Variants in VWC2L observed in about 807,000 individuals in gnomAD.
VWC2L encodes von Willebrand factor C domain containing 2 like, also known as von Willebrand factor C domain-containing protein 2-like.
A neutral mutation model predicts 21.6 loss-of-function variants in VWC2L; 10 were observed. The ratio of observed to expected loss-of-function variants is 0.46; its 90% CI spans 0.29 to 0.78. VWC2L has a LOEUF of 0.78. VWC2L is among the 30% of genes least tolerant of loss of function. VWC2L has a pLI of 0.10. For synonymous variants in VWC2L, 96 were observed against 94.3 expected (o/e 1.02, Z -0.10); for missense variants, 209 against 277.1 (o/e 0.75, Z 1.74).
chr2:214,461,370 A>AG (rs898153006), intron 3 of VWC2L, among the ~76,000 whole-genome samples: 5 of 152,124 alleles, frequency 3.3e-5, no homozygotes, highest in Admixed American at 3.3e-4. Context: ...TCAAGTTCCA[A>AG]GGGGGAACAC....
At chr2:214,445,427 A>G (rs913862298) in intron 3 of VWC2L, among the ~76,000 whole-genome samples, 1 of 151,734 alleles carries the variant, frequency 6.6e-6, no homozygotes, top group Non-Finnish European at 1.5e-5. Flanking sequence ...ATATTATAGA[A>G]AAAAAAAGCA....
At chr2:214,517,639 G>A (rs1454363157) in intron 3 of VWC2L, among the ~76,000 whole-genome samples, 1 of 152,136 alleles carries the variant, frequency 6.6e-6, no homozygotes, top group Non-Finnish European at 1.5e-5. Flanking sequence ...AAGATTCCAT[G>A]GGGTAAAAAC....
intron 3 of VWC2L, among the ~76,000 whole-genome samples, chr2:214,524,882 C>T (rs1689303548): frequency 6.6e-6 from 1 of 150,814 alleles, no homozygotes; most frequent in Admixed American, 6.6e-5. Context: ...ACAATAAATT[C>T]ATTTCTATTT....
chr2:214,507,406 A>T (rs1334286297), intron 3 of VWC2L, among the ~76,000 whole-genome samples: 1 of 152,236 alleles, frequency 6.6e-6, no homozygotes, highest in East Asian at 1.9e-4. Flanking sequence ...TGATCAAAGA[A>T]ATAAAGGATA....
intron 3 of VWC2L, among the ~76,000 whole-genome samples, chr2:214,551,561 T>G (rs1353346833): frequency 6.6e-6 from 1 of 152,206 alleles, no homozygotes; most frequent in Admixed American, 6.5e-5. Flanking sequence ...CAGTGTAATA[T>G]TTCTCATTTC....
intron 3 of VWC2L, among the ~76,000 whole-genome samples, chr2:214,538,520 AT>A (rs961834189): frequency 1.3e-5 from 2 of 152,108 alleles, no homozygotes; most frequent in Admixed American, 6.6e-5. Context: ...TAAAGCAAAT[AT>A]TTTTTATTGG....
intron 3 of VWC2L, among the ~76,000 whole-genome samples, chr2:214,459,211 G>A (rs894813934): frequency 1.3e-5 from 2 of 152,122 alleles, no homozygotes; most frequent in African/African-American, 4.8e-5. Context: ...TCTGTTGTAT[G>A]TGACACAAGT....
chr2:214,522,487 T>C (rs879616284), intron 3 of VWC2L, among the ~76,000 whole-genome samples: 1 of 152,034 alleles, frequency 6.6e-6, no homozygotes, highest in Non-Finnish European at 1.5e-5. Flanking sequence ...TCTATATTTA[T>C]GGGGTACAGG....
intron 3 of VWC2L, among the ~76,000 whole-genome samples, chr2:214,545,472 T>G (rs1469632332): frequency 6.6e-6 from 1 of 152,210 alleles, no homozygotes; most frequent in African/African-American, 2.4e-5. Context: ...GAGAATATTT[T>G]AAGCAAGACA....
chr2:214,540,450 T>C (rs1689608314), intron 3 of VWC2L, among the ~76,000 whole-genome samples: 1 of 152,166 alleles, frequency 6.6e-6, no homozygotes, highest in Non-Finnish European at 1.5e-5. Context: ...TGAGCCACTG[T>C]GCAATGCTGC....
chr2:214,413,510 A>G (rs1702308430), intron 1 of VWC2L, among the ~76,000 whole-genome samples: 1 of 152,180 alleles, frequency 6.6e-6, no homozygotes, highest in Admixed American at 6.5e-5. Context: ...ACTTTATTTC[A>G]AAAATCCAGA....
intron 3 of VWC2L, among the ~76,000 whole-genome samples, chr2:214,438,695 G>A (rs1702718015): frequency 2.0e-5 from 3 of 152,014 alleles, no homozygotes; most frequent in Non-Finnish European, 1.5e-5. Flanking sequence ...CTACAAACTA[G>A]TTACACTTAA....
At chr2:214,533,375 C>T (rs1394665371) in intron 3 of VWC2L, among the ~76,000 whole-genome samples, 3 of 151,994 alleles carry the variant, frequency 2.0e-5, no homozygotes, top group Admixed American at 6.6e-5. Flanking sequence ...CTGCTCTCTT[C>T]GAGGCTGCTA....
intron 3 of VWC2L, among the ~76,000 whole-genome samples, chr2:214,503,539 G>C (rs1430207209): frequency 6.6e-6 from 1 of 152,056 alleles, no homozygotes; most frequent in Admixed American, 6.6e-5. Flanking sequence ...TAGGCTAATT[G>C]TTCTCAAAAC....
chr2:214,455,328 G>C (rs1469689433), intron 3 of VWC2L, among the ~76,000 whole-genome samples: 4 of 152,088 alleles, frequency 2.6e-5, no homozygotes, highest in Non-Finnish European at 5.9e-5. Context: ...CTAAGCTGCT[G>C]GATTTATGGT....
In VWC2L at chr2:214,417,015, C is replaced by T. The variant is rs184826793; in HGVS notation, c.390+2432C>T. ...ACTTTCAAATGAAGAATTCTCATAC[C>T]TTTTTAAAATGCTCTACTTATCCCT... On this transcript the variant is annotated intron_variant, in intron 2 of 3. Coordinates refer to ENST00000312504, the MANE Select transcript of VWC2L (RefSeq NM_001080500.4). 4.3e-4 allele frequency among the ~76,000 whole-genome samples: 65 copies of T among 152,112 alleles called. 1 individual carries two copies. In the East Asian group the frequency reaches 0.011, roughly 27 times the overall value.
chr2:214,545,148 TATAAA>T (rs1382717062), intron 3 of VWC2L, among the ~76,000 whole-genome samples: 2 of 152,134 alleles, frequency 1.3e-5, no homozygotes, highest in East Asian at 1.9e-4. Context: ...TTCGAAGGAT[TATAAA>T]ATAAAAGGGC....
At chr2:214,496,952 T>G (rs1688821373) in intron 3 of VWC2L, among the ~76,000 whole-genome samples, 1 of 152,216 alleles carries the variant, frequency 6.6e-6, no homozygotes, top group Admixed American at 6.6e-5. Context: ...TTTCACTCTT[T>G]GCTGCAATCT....
At chr2:214,467,974 T>C (rs1014171186) in intron 3 of VWC2L, among the ~76,000 whole-genome samples, 22 of 152,220 alleles carry the variant, frequency 1.4e-4, no homozygotes, top group African/African-American at 4.6e-4. Flanking sequence ...AGTGAGACAT[T>C]GTCTCAACAA....
Sources: allele counts gnomAD v4.1 joint callset (sites outside exome capture counted in the v4.1 genomes callset), GRCh38; gene constraint gnomAD v4.1.1; transcripts MANE v1.5; gene names NCBI Gene and HGNC (gene_info 2026-07-23, HGNC 2026-07-21).